Variants in PROM1 observed in about 807,000 individuals in gnomAD.
PROM1 encodes prominin 1.
Under a neutral mutation model 116.9 loss-of-function variants are expected in PROM1, and 105 were observed. The ratio of observed to expected loss-of-function variants is 0.90; its 90% CI spans 0.77 to 1.06. The LOEUF (loss-of-function observed/expected upper bound fraction) is 1.06, where lower values mean the gene tolerates loss of function less well. Among genes scored for constraint, PROM1 ranks in the 50% least tolerant of loss-of-function variants. PROM1 has a pLI of 0.00. For synonymous variants in PROM1, 393 were observed against 387.0 expected (o/e 1.02, Z -0.18); for missense variants, 1,122 against 1,045.2 (o/e 1.07, Z -1.01).
At chr4:16,065,395 A>G (rs1741294245) in intron 2 of PROM1, among the ~76,000 whole-genome samples, 1 of 152,166 alleles carries the variant, frequency 6.6e-6, no homozygotes, top group Non-Finnish European at 1.5e-5. Context: ...CTTAGTTTGA[A>G]TGCTACTTCC....
chr4:16,003,190 G>A, intron 13 of PROM1: 4 of 420,616 alleles, frequency 9.5e-6, no homozygotes, highest in Non-Finnish European at 2.0e-5. Context: ...CATTTCAGGG[G>A]CCATGTGATC....
intron 12 of PROM1, among the ~76,000 whole-genome samples, 179 bp from the exon 13 acceptor site, chr4:16,006,869 TCCAATTCAAC>T (rs1395922975): frequency 6.6e-6 from 1 of 152,210 alleles, no homozygotes; most frequent in Non-Finnish European, 1.5e-5. Context: ...CCCTTTGCCT[TCCAATTCAAC>T]CAGCGGAGAA....
At chr4:16,063,103 C>A (rs916657257) in intron 2 of PROM1, among the ~76,000 whole-genome samples, 1 of 152,086 alleles carries the variant, frequency 6.6e-6, no homozygotes, top group African/African-American at 2.4e-5. Context: ...GTTTTTCCCC[C>A]AAAATGAACC....
chr4:16,067,407 A>G (rs767319997), intron 2 of PROM1, among the ~76,000 whole-genome samples: 3 of 152,156 alleles, frequency 2.0e-5, no homozygotes, highest in Non-Finnish European at 2.9e-5. Flanking sequence ...AAGTTATTTG[A>G]TCTCTGAGCC....
chr4:16,004,862 TC>T (rs1724889536), intron 13 of PROM1, among the ~76,000 whole-genome samples: 37 of 138,388 alleles, frequency 2.7e-4, no homozygotes, highest in African/African-American at 8.9e-4. Flanking sequence ...CCTTCCTTCC[TC>T]TCTCTCTCCC....
chr4:16,019,613 T>C (rs952594738), intron 8 of PROM1, among the ~76,000 whole-genome samples: 7 of 152,052 alleles, frequency 4.6e-5, no homozygotes, highest in African/African-American at 1.7e-4. Flanking sequence ...ACTAGGGAGG[T>C]AGGGAATTAC....
intron 26 of PROM1, 111 bp from the exon 27 acceptor site, chr4:15,971,193 A>C: frequency 1.3e-6 from 1 of 791,416 alleles, no homozygotes; most frequent in South Asian, 1.9e-5. Context: ...ACGAATATAA[A>C]CCACACCTCA....
At chr4:16,039,730 A>AC (rs1458009527) in intron 2 of PROM1, among the ~76,000 whole-genome samples, 1 of 151,438 alleles carries the variant, frequency 6.6e-6, no homozygotes, top group Non-Finnish European at 1.5e-5. Flanking sequence ...AAAAAAAAAA[A>AC]ATTAACCCAA....
chr4:15,980,574 G>C, intron 23 of PROM1, 37 bp from the exon 24 acceptor site: 1 of 1,252,838 alleles, frequency 8.0e-7, no homozygotes, highest in Non-Finnish European at 1.1e-6. Flanking sequence ...AATGTTTGAA[G>C]ATAAGAAATG....
At chr4:15,978,287 T>C (rs985932380) in intron 26 of PROM1, among the ~76,000 whole-genome samples, 1 of 152,220 alleles carries the variant, frequency 6.6e-6, no homozygotes, top group South Asian at 2.1e-4. Context: ...TGGAAAATCA[T>C]AATGAAAAGT....
intron 2 of PROM1, among the ~76,000 whole-genome samples, chr4:16,060,594 T>C (rs959696790): frequency 1.3e-5 from 2 of 152,170 alleles, no homozygotes; most frequent in Non-Finnish European, 2.9e-5. Context: ...TGTGTGCATG[T>C]GTGTCTAAAA....
At chr4:16,015,680 AT>A (rs1451699190) in intron 10 of PROM1, among the ~76,000 whole-genome samples, 1 of 151,984 alleles carries the variant, frequency 6.6e-6, no homozygotes, top group Non-Finnish European at 1.5e-5. Context: ...ACAGAGGGGG[AT>A]TCCACCTCAA....
chr4:16,075,616 T>C lies in PROM1; in HGVS notation c.220+71A>G, dbSNP rs1227683052. The C allele has an allele frequency of 5.7e-6, 8 of 1,391,676 alleles. No individual in the cohort carries two copies. The East Asian group carries it at 1.0e-4, about 17-fold the overall frequency. The allele number at this position is 1,391,676 out of a possible 1,614,324, so 86.2% of individuals were successfully genotyped here. Reference sequence around the variant, plus strand: ...CTGAATATATTATATATTGATTGCATTGACATTAAAAAACAATATTGTGGG... The same window carrying C: ...CTGAATATATTATATATTGATTGCACTGACATTAAAAAACAATATTGTGGG... On this transcript the variant is annotated intron_variant, in intron 2 of 27. Coordinates refer to ENST00000447510, the MANE Select transcript of PROM1 (RefSeq NM_006017.3).
chr4:16,009,276 C>A (rs949564828), intron 11 of PROM1, among the ~76,000 whole-genome samples, 168 bp from the exon 12 acceptor site: 1 of 152,198 alleles, frequency 6.6e-6, no homozygotes. Context: ...CCAAGACCAT[C>A]GAAAAGCAAT....
chr4:16,001,384 T>C (rs956013150), intron 13 of PROM1, among the ~76,000 whole-genome samples: 8 of 152,106 alleles, frequency 5.3e-5, no homozygotes, highest in Non-Finnish European at 1.2e-4. Flanking sequence ...GTTTCGGATG[T>C]ACCTTAGGGA....
chr4:16,054,703 A>G (rs1738607612), intron 2 of PROM1, among the ~76,000 whole-genome samples: 1 of 152,210 alleles, frequency 6.6e-6, no homozygotes, highest in South Asian at 2.1e-4. Context: ...TAGAGTTGCT[A>G]TAATTATGTC....
intron 5 of PROM1, among the ~76,000 whole-genome samples, chr4:16,031,160 T>C (rs1436692795): frequency 1.3e-5 from 2 of 152,198 alleles, no homozygotes; most frequent in African/African-American, 4.8e-5. Flanking sequence ...ATACTATATG[T>C]ATTGACATCA....
At chr4:16,038,572 T>G (rs1694951581) in intron 3 of PROM1, among the ~76,000 whole-genome samples, 1 of 152,060 alleles carries the variant, frequency 6.6e-6, no homozygotes, top group Non-Finnish European at 1.5e-5. Context: ...CCGGCTAATT[T>G]TTGTATTTTT....
chr4:16,067,394 G>A (rs1048189408), intron 2 of PROM1, among the ~76,000 whole-genome samples: 19 of 152,288 alleles, frequency 1.2e-4, no homozygotes, highest in Admixed American at 8.5e-4. Flanking sequence ...TAGCACCTGG[G>A]GCAAGTTATT....
Sources: allele counts gnomAD v4.1 joint callset (sites outside exome capture counted in the v4.1 genomes callset), GRCh38; gene constraint gnomAD v4.1.1; transcripts MANE v1.5; gene names NCBI Gene and HGNC (gene_info 2026-07-23, HGNC 2026-07-21).